PCLO: variants seen among roughly 807,000 people sequenced by gnomAD.
PCLO encodes protein piccolo.
Under a neutral mutation model 427.5 loss-of-function variants are expected in PCLO, and 82 were observed. That is an observed-to-expected ratio of 0.19 (90% CI 0.16 to 0.23). The LOEUF is 0.23. Ranked by LOEUF, PCLO falls within the 10% of genes least tolerant of loss-of-function variation. PCLO has a pLI of 1.00. For missense variants in PCLO, 6,239 were observed against 6,115.9 expected, an observed-to-expected ratio of 1.02 and a Z score of -0.67; for synonymous variants, 2,357 against 2,155.4, an observed-to-expected ratio of 1.09 and a Z score of -2.59.
chr7:82,855,276 A>G (rs1792772977), intron 10 of PCLO, among the ~76,000 whole-genome samples: 1 of 152,138 alleles, frequency 6.6e-6, no homozygotes, highest in Admixed American at 6.6e-5. Flanking sequence ...TTAATCTGTT[A>G]TACTATATAT....
At chr7:82,918,750 A>T (rs1448579622) in intron 6 of PCLO, among the ~76,000 whole-genome samples, 1 of 152,056 alleles carries the variant, frequency 6.6e-6, no homozygotes, top group African/African-American at 2.4e-5. Context: ...ATTCTACATG[A>T]TTATGATTAT....
rs1795521868 is a variant in PCLO, at chr7:82,956,423, A to G, written c.4530T>C (p.Tyr1510=). 8 of 1,613,818 alleles carry G rather than the reference A, an allele frequency of 5.0e-6. No individual in the cohort carries two copies. In the East Asian group the frequency reaches 1.6e-4, roughly 31 times the overall value. The change falls in exon 5 of 25, where the codon TAT becomes TAC. Residue 1510 remains tyrosine, a synonymous_variant. Coordinates refer to ENST00000333891, the MANE Select transcript of PCLO (RefSeq NM_033026.6). ...TTTCACTACTCTCTTCAACTGAATC[A>G]TAAGGCTCTCTTCTAGTAGTTATGT... ...VDDITTRREP[Y]DSVEESSESE... is the part of the protein sequence containing the mutation.
chr7:83,157,906 C>A (rs1480142651), intron 1 of PCLO, among the ~76,000 whole-genome samples: 2 of 151,920 alleles, frequency 1.3e-5, no homozygotes, highest in East Asian at 1.9e-4. Context: ...CCAAAATTTA[C>A]CTGCTAATGA....
intron 3 of PCLO, among the ~76,000 whole-genome samples, chr7:83,085,365 C>T (rs544266553): frequency 1.3e-5 from 2 of 152,030 alleles, no homozygotes; most frequent in African/African-American, 4.8e-5. Context: ...AAACCTACTG[C>T]GAAGTTAATT....
intron 3 of PCLO, among the ~76,000 whole-genome samples, chr7:82,984,423 T>C (rs1259644903): frequency 6.6e-6 from 1 of 150,874 alleles, no homozygotes; most frequent in African/African-American, 2.4e-5. Flanking sequence ...TGTGTGTGTG[T>C]GTGTGTGTGT....
chr7:83,075,141 A>C (rs899222614), intron 3 of PCLO, among the ~76,000 whole-genome samples: 14 of 152,306 alleles, frequency 9.2e-5, no homozygotes, highest in Non-Finnish European at 1.9e-4. Context: ...GGTTTGAAAA[A>C]GAGGTTCATT....
chr7:83,136,446 C>A (rs1190610628), intron 2 of PCLO, among the ~76,000 whole-genome samples: 11 of 151,922 alleles, frequency 7.2e-5, no homozygotes, highest in Admixed American at 6.6e-4. Context: ...AGATATACAG[C>A]CCAGAGTAGG....
intron 3 of PCLO, among the ~76,000 whole-genome samples, chr7:83,075,144 G>C (rs530601740): frequency 2.0e-5 from 3 of 152,102 alleles, no homozygotes; most frequent in Admixed American, 6.5e-5. Flanking sequence ...TTGAAAAAGA[G>C]GTTCATTTGT....
intron 9 of PCLO, among the ~76,000 whole-genome samples, chr7:82,890,650 T>TAA (rs1342064324): frequency 0.018 from 2,791 of 152,054 alleles, 93 homozygotes; most frequent in African/African-American, 0.064. Context: ...TTGTAGTTGC[T>TAA]TTTTTAAAAC....
At chr7:82,814,160 C>T (rs1791628468) in intron 20 of PCLO, among the ~76,000 whole-genome samples, 1 of 151,456 alleles carries the variant, frequency 6.6e-6, no homozygotes, top group Non-Finnish European at 1.5e-5. Flanking sequence ...GAAAAAGTAA[C>T]AATTACGGAT....
At chr7:82,984,809 G>A (rs1253729162) in intron 3 of PCLO, among the ~76,000 whole-genome samples, 1 of 151,890 alleles carries the variant, frequency 6.6e-6, no homozygotes, top group Non-Finnish European at 1.5e-5. Flanking sequence ...TTCTGAAGTT[G>A]AGCTAGGAAC....
At chr7:82,806,587 G>T (rs944897417) in intron 20 of PCLO, among the ~76,000 whole-genome samples, 4 of 152,158 alleles carry the variant, frequency 2.6e-5, no homozygotes, top group African/African-American at 7.2e-5. Flanking sequence ...AAAGAAGGAA[G>T]ATAAGGCAAG....
intron 3 of PCLO, among the ~76,000 whole-genome samples, chr7:82,988,128 CCTCAGCTTCTGAAG>C (rs1796294999): frequency 6.6e-6 from 1 of 152,154 alleles, no homozygotes; most frequent in African/African-American, 2.4e-5. Flanking sequence ...GATCCTCCCA[CCTCAGCTTCTGAAG>C]TAGATGGGAC....
intron 3 of PCLO, among the ~76,000 whole-genome samples, chr7:83,069,802 CA>C (rs1789764394): frequency 8.5e-6 from 1 of 117,508 alleles, no homozygotes; most frequent in African/African-American, 2.8e-5. Flanking sequence ...CCCCCGCCCA[CA>C]CACACACACA....
intron 2 of PCLO, among the ~76,000 whole-genome samples, chr7:83,152,664 T>C (rs963371993): frequency 1.3e-5 from 2 of 152,200 alleles, no homozygotes; most frequent in Admixed American, 6.5e-5. Flanking sequence ...TCATGTCCTA[T>C]ATCTATTGAA....
At chr7:83,002,107 G>A (rs1434864202) in intron 3 of PCLO, among the ~76,000 whole-genome samples, 5 of 151,474 alleles carry the variant, frequency 3.3e-5, no homozygotes, top group Non-Finnish European at 7.4e-5. Context: ...CTAGTTTTCA[G>A]CTATTTTATC....
rs552646666 is a variant in PCLO, at chr7:82,997,061, T to C, written c.3301-30574A>G. 2.6e-5 allele frequency among the ~76,000 whole-genome samples: 4 copies of C among 152,060 alleles called. No individual in the cohort carries two copies. In the East Asian group the frequency reaches 7.7e-4, roughly 29 times the overall value. ...ATCAAAGGATTTAAGCAGGAAATAC[T>C]AGACTTGAGAATAAAAGTTGGAGTC... On this transcript the variant is annotated intron_variant, in intron 3 of 24. Transcript: ENST00000333891.
At chr7:82,985,745 A>T (rs1332866254) in intron 3 of PCLO, among the ~76,000 whole-genome samples, 2 of 151,998 alleles carry the variant, frequency 1.3e-5, no homozygotes, top group African/African-American at 4.8e-5. Flanking sequence ...TTTTGTTTTA[A>T]GAATGTGTAA....
At chr7:83,005,650 T>A (rs150726453) in intron 3 of PCLO, among the ~76,000 whole-genome samples, 1 of 151,770 alleles carries the variant, frequency 6.6e-6, no homozygotes, top group Non-Finnish European at 1.5e-5. Flanking sequence ...TATGTTTATC[T>A]GCTTGGCTGC....
Sources: gnomAD v4.1 joint callset for allele counts (sites outside exome capture counted in the v4.1 genomes callset) on GRCh38, gnomAD v4.1.1 for gene constraint, MANE v1.5 for transcripts, NCBI Gene and HGNC (gene_info 2026-07-23, HGNC 2026-07-21) for gene names.